The following SLC35F4 variants were observed in gnomAD, a reference collection of about 807,000 sequenced individuals.
The protein encoded by SLC35F4 is chromosome 14 open reading frame 36.
SLC35F4 carries 24 observed loss-of-function variants against 44.2 expected under a neutral mutation model. That is an observed-to-expected ratio of 0.54 (90% confidence interval 0.39 to 0.76). The LOEUF (loss-of-function observed/expected upper bound fraction) is 0.76, where lower values mean the gene tolerates loss of function less well. Among genes scored for constraint, SLC35F4 ranks in the 30% least tolerant of loss-of-function variants. The pLI is 0.00. For missense variants in SLC35F4, 562 were observed against 586.1 expected, an observed-to-expected ratio of 0.96 and a Z score of 0.42; for synonymous variants, 238 against 223.6, an observed-to-expected ratio of 1.06 and a Z score of -0.57.
At chr14:57,646,408 C>T (rs1419236022) in intron 1 of SLC35F4, among the ~76,000 whole-genome samples, 7 of 152,116 alleles carry the variant, frequency 4.6e-5, no homozygotes, top group Non-Finnish European at 1.0e-4. Context: ...AGTTTATTTG[C>T]GTAGAGGTAT....
chr14:57,694,236 G>A (rs1188831657), intron 1 of SLC35F4, among the ~76,000 whole-genome samples: 1 of 152,112 alleles, frequency 6.6e-6, no homozygotes, highest in Non-Finnish European at 1.5e-5. Flanking sequence ...ACCAAAGAAT[G>A]GATCCTTAAA....
intron 1 of SLC35F4, among the ~76,000 whole-genome samples, chr14:57,690,500 T>C (rs1360805646): frequency 1.3e-5 from 2 of 152,212 alleles, no homozygotes; most frequent in East Asian, 3.9e-4. Flanking sequence ...CACCAAGGAC[T>C]GGTTTCATGA....
chr14:57,872,538 T>G (rs1190769901), intron 1 of SLC35F4, among the ~76,000 whole-genome samples: 2 of 152,172 alleles, frequency 1.3e-5, no homozygotes, highest in African/African-American at 4.8e-5. Flanking sequence ...CCTCACCTCA[T>G]GCCAATGCTG....
intron 1 of SLC35F4, among the ~76,000 whole-genome samples, chr14:57,721,807 G>T (rs1018856170): frequency 6.6e-6 from 1 of 152,138 alleles, no homozygotes; most frequent in Admixed American, 6.5e-5. Flanking sequence ...TGGCAACATT[G>T]CCTCCCCAAC....
At chr14:57,854,849 A>G (rs1020499382) in intron 1 of SLC35F4, among the ~76,000 whole-genome samples, 1 of 152,244 alleles carries the variant, frequency 6.6e-6, no homozygotes, top group African/African-American at 2.4e-5. Context: ...GCACTAGACA[A>G]GCCAGAAATT....
At chr14:57,615,548 G>A (rs1450728526) in intron 1 of SLC35F4, among the ~76,000 whole-genome samples, 2 of 151,952 alleles carry the variant, frequency 1.3e-5, no homozygotes, top group Non-Finnish European at 2.9e-5. Context: ...ACAATATTGA[G>A]GTTTTTAGAA....
chr14:57,858,656 G>T (rs910691811), intron 1 of SLC35F4, among the ~76,000 whole-genome samples: 5 of 151,204 alleles, frequency 3.3e-5, no homozygotes, highest in Non-Finnish European at 7.4e-5. Flanking sequence ...TTGTGCACAT[G>T]TACCCTAGAA....
In SLC35F4 at chr14:57,724,404, TG is replaced by T. The variant is rs534801285; in HGVS notation, c.104-130281del. ...TGAGAGACAGCTGTTGGCCTGTTAC[TG>T]GGTTTTGGTGGAAACTGAACGTTTG... is the stretch of plus-strand genomic sequence containing the variant. On this transcript the variant is annotated intron_variant, in intron 1 of 7. Transcript: ENST00000556826. Among the ~76,000 whole-genome samples the T allele has an allele frequency of 1.3e-3, 204 of 152,344 alleles. 3 individuals are homozygous for T. The highest frequency in any genetic ancestry group is 4.4e-3 in the African/African-American group (183 of 41,590).
At chr14:57,608,981 G>A (rs1396064412) in intron 1 of SLC35F4, among the ~76,000 whole-genome samples, 1 of 152,128 alleles carries the variant, frequency 6.6e-6, no homozygotes, top group Non-Finnish European at 1.5e-5. Context: ...ACAAGTGGGA[G>A]ATGAGAAAGC....
At chr14:57,807,957 G>A (rs1005290425) in intron 1 of SLC35F4, among the ~76,000 whole-genome samples, 2 of 151,720 alleles carry the variant, frequency 1.3e-5, no homozygotes, top group Admixed American at 6.6e-5. Context: ...GCAAGAGAAC[G>A]TGTGCAGGGA....
At position 57,865,978 on chromosome 14, in the gene SLC35F4, C is replaced by T. The variant is rs933489273; in HGVS notation, c.-153G>A. The T allele has an allele frequency of 1.9e-5, 8 of 423,366 alleles. No individual in the cohort carries two copies. The highest frequency in any genetic ancestry group is 1.3e-4 in the East Asian group (3 of 22,544). 26.2% of individuals were successfully genotyped at this position (423,366 alleles called of 1,614,324 possible). A position where few individuals can be genotyped will look rare whatever the true frequency, so the allele number is the denominator to read the frequency against. On this transcript the variant is annotated 5_prime_UTR_variant, in exon 1 of 8. Coordinates refer to ENST00000556826, the MANE Select transcript of SLC35F4 (RefSeq NM_001306087.2). ...ACTCCACCGCCCGGCGCAGCACCGG[C>T]TCCGCATCACAGCGGCGGCGGCGGC...
intron 1 of SLC35F4, among the ~76,000 whole-genome samples, chr14:57,631,648 G>A (rs2072780506): frequency 6.6e-6 from 1 of 152,010 alleles, no homozygotes; most frequent in Non-Finnish European, 1.5e-5. Flanking sequence ...TGATTTTGTG[G>A]TACCAAGAAA....
intron 1 of SLC35F4, among the ~76,000 whole-genome samples, chr14:57,844,765 G>A (rs964088824): frequency 2.6e-5 from 4 of 152,158 alleles, no homozygotes; most frequent in African/African-American, 9.7e-5. Flanking sequence ...GTACCTCGAA[G>A]GAGTCAAGTT....
chr14:57,895,545 A>G (rs1288291502), intron 1 of SLC35F4, among the ~76,000 whole-genome samples: 1 of 151,846 alleles, frequency 6.6e-6, no homozygotes, highest in African/African-American at 2.4e-5. Context: ...ATGGTTTAAA[A>G]GCATGTGGCA....
At chr14:57,626,625 A>G (rs2072487604) in intron 1 of SLC35F4, among the ~76,000 whole-genome samples, 1 of 152,172 alleles carries the variant, frequency 6.6e-6, no homozygotes, top group Non-Finnish European at 1.5e-5. Flanking sequence ...CAAAAGTTCA[A>G]GAACCAGAAC....
At chr14:57,766,423 C>G (rs1192764621) in intron 1 of SLC35F4, among the ~76,000 whole-genome samples, 1 of 152,208 alleles carries the variant, frequency 6.6e-6, no homozygotes, top group Non-Finnish European at 1.5e-5. Context: ...GGAAGATTCC[C>G]TGTCAGAACA....
intron 1 of SLC35F4, among the ~76,000 whole-genome samples, chr14:57,699,850 A>C (rs892643096): frequency 1.2e-4 from 18 of 152,222 alleles, no homozygotes; most frequent in African/African-American, 4.3e-4. Flanking sequence ...ATTTCTTCTA[A>C]AATACAAATT....
chr14:57,673,010 C>T (rs1470576937), intron 1 of SLC35F4, among the ~76,000 whole-genome samples: 1 of 151,870 alleles, frequency 6.6e-6, no homozygotes, highest in Admixed American at 6.6e-5. Context: ...ATAATTAGTC[C>T]TCTTAGAAAA....
chr14:57,606,054 C>T (rs537147720), intron 1 of SLC35F4, among the ~76,000 whole-genome samples: 1 of 152,252 alleles, frequency 6.6e-6, no homozygotes, highest in South Asian at 2.1e-4. Flanking sequence ...TTCTTCAAAC[C>T]TCAGCATCGT....
Sources: gnomAD v4.1 joint callset for allele counts (sites outside exome capture counted in the v4.1 genomes callset) on GRCh38, gnomAD v4.1.1 for gene constraint, MANE v1.5 for transcripts, NCBI Gene and HGNC (gene_info 2026-07-23, HGNC 2026-07-21) for gene names.